Variants in MOB3B observed in about 807,000 individuals in gnomAD.
The protein encoded by MOB3B is MOB kinase activator 3B, also known as MOB kinase activator-like 2B.
A neutral mutation model predicts 18.7 loss-of-function variants in MOB3B; 7 were observed. The ratio of observed to expected loss-of-function variants is 0.37; its 90% confidence interval spans 0.21 to 0.70. The LOEUF is 0.70. Among genes scored for constraint, MOB3B ranks in the 30% least tolerant of loss-of-function variants. The probability of loss-of-function intolerance (pLI) is 0.52; values close to 1 mark genes in which losing one functional copy is unlikely to be tolerated. For missense variants in MOB3B, 253 were observed against 281.3 expected (o/e 0.90, Z 0.72); for synonymous variants, 111 against 99.9 (o/e 1.11, Z -0.66).
chr9:27,361,106 T>C (rs1056227676), intron 2 of MOB3B, among the ~76,000 whole-genome samples: 1 of 152,198 alleles, frequency 6.6e-6, no homozygotes, highest in Non-Finnish European at 1.5e-5. Flanking sequence ...GTAACCCACC[T>C]GGTGACAATG....
At chr9:27,476,503 T>C (rs1178048734) in intron 1 of MOB3B, among the ~76,000 whole-genome samples, 1 of 152,210 alleles carries the variant, frequency 6.6e-6, no homozygotes, top group Non-Finnish European at 1.5e-5. Context: ...CATTTTAGAT[T>C]AGAGGCCCAC....
At chr9:27,522,242 C>CAAAAAAAAAAAAAAA (rs1171362204) in intron 1 of MOB3B, among the ~76,000 whole-genome samples, 16 of 56,040 alleles carry the variant, frequency 2.9e-4, no homozygotes, top group East Asian at 5.9e-4. Context: ...CCCCGTCTCA[C>CAAAAAAAAAAAAAAA]AAAAAAAAAA....
At chr9:27,339,546 G>T (rs1396232004) in intron 3 of MOB3B, among the ~76,000 whole-genome samples, 1 of 152,240 alleles carries the variant, frequency 6.6e-6, no homozygotes, top group Non-Finnish European at 1.5e-5. Flanking sequence ...TGTGTGCCAG[G>T]CACTGTGCTC....
chr9:27,482,545 T>C (rs540334819), intron 1 of MOB3B, among the ~76,000 whole-genome samples: 1 of 152,316 alleles, frequency 6.6e-6, no homozygotes, highest in South Asian at 2.1e-4. Context: ...CCCATAGACC[T>C]TACTATGAGG....
intron 3 of MOB3B, among the ~76,000 whole-genome samples, chr9:27,356,991 C>T (rs544202478): frequency 2.0e-5 from 3 of 150,564 alleles, no homozygotes; most frequent in South Asian, 4.3e-4. Context: ...GGTTCCTGCC[C>T]CTGAGAGCCT....
At chr9:27,444,408 T>C (rs907517843) in intron 2 of MOB3B, among the ~76,000 whole-genome samples, 1 of 152,130 alleles carries the variant, frequency 6.6e-6, no homozygotes, top group African/African-American at 2.4e-5. Context: ...GCTCGGGTAT[T>C]AGAAGGGAAG....
intron 2 of MOB3B, among the ~76,000 whole-genome samples, chr9:27,377,988 C>T (rs1411030017): frequency 2.6e-5 from 4 of 152,232 alleles, no homozygotes; most frequent in Admixed American, 6.5e-5. Context: ...ACCTCTCCTT[C>T]CCCCAAGAAG....
chr9:27,378,235 CTT>C, intron 2 of MOB3B: 1 of 402,056 alleles, frequency 2.5e-6, no homozygotes, highest in Non-Finnish European at 5.1e-6. Flanking sequence ...GTAGAAGAGT[CTT>C]TGCTTCTAGA....
At chr9:27,345,297 C>A (rs1317007849) in intron 3 of MOB3B, among the ~76,000 whole-genome samples, 1 of 152,098 alleles carries the variant, frequency 6.6e-6, no homozygotes, top group Non-Finnish European at 1.5e-5. Flanking sequence ...TGCTCCTGCC[C>A]ACCATAGGCC....
Position 27,329,074 on chromosome 9 carries a change from C to G in MOB3B, c.*1513G>C, listed in dbSNP as rs1484277398. On this transcript the variant is annotated 3_prime_UTR_variant, in exon 4 of 4. Coordinates refer to ENST00000262244, the MANE Select transcript of MOB3B (RefSeq NM_024761.5). ...TGGACAAAGATTTCATGATTCTAGTCTTTTGTGGCAGCCACAGAGGGCTTT... is the reference window on the plus strand; with the variant it reads ...TGGACAAAGATTTCATGATTCTAGTGTTTTGTGGCAGCCACAGAGGGCTTT... 6.6e-6 allele frequency: 1 copy of G among 152,132 alleles called. No individual in the cohort carries two copies. Among genetic ancestry groups the G allele is most frequent in the African/African-American group, 2.4e-5 (1 of 41,412 alleles). 9.4% of individuals were successfully genotyped at this position (152,132 alleles called of 1,614,324 possible). A position where few individuals can be genotyped will look rare whatever the true frequency, so the allele number is the denominator to read the frequency against.
intron 1 of MOB3B, among the ~76,000 whole-genome samples, chr9:27,498,365 G>A (rs577709038): frequency 2.0e-5 from 3 of 152,338 alleles, no homozygotes; most frequent in Admixed American, 1.3e-4. Context: ...GGAGTCGTAT[G>A]AGCTGTGCGA....
intron 2 of MOB3B, among the ~76,000 whole-genome samples, chr9:27,426,066 T>G (rs964188037): frequency 6.6e-6 from 1 of 152,180 alleles, no homozygotes; most frequent in Non-Finnish European, 1.5e-5. Flanking sequence ...GCTAAGCCTT[T>G]AAATATATGG....
chr9:27,332,660 C>G (rs971645301), intron 3 of MOB3B, among the ~76,000 whole-genome samples: 1 of 152,212 alleles, frequency 6.6e-6, no homozygotes, highest in Admixed American at 6.5e-5. Flanking sequence ...ACAGTAACCG[C>G]TGCTTTTATT....
At chr9:27,444,292 GAAGGAAGGAAGAAAGGAAGGAAGA>G (rs370334369) in intron 2 of MOB3B, among the ~76,000 whole-genome samples, 2 of 136,616 alleles carry the variant, frequency 1.5e-5, no homozygotes, top group African/African-American at 5.4e-5. Flanking sequence ...GGGAGGGAAG[GAAGGAAGGAAGAAAGGAAGGAAGA>G]AAGGAAGGAA....
chr9:27,489,777 C>T (rs1819787458), intron 1 of MOB3B, among the ~76,000 whole-genome samples: 1 of 103,136 alleles, frequency 9.7e-6, no homozygotes, highest in South Asian at 3.4e-4. Flanking sequence ...CACTAAGGCT[C>T]ATTATCATAT....
intron 2 of MOB3B, among the ~76,000 whole-genome samples, chr9:27,376,721 G>A (rs1470255735): frequency 2.0e-5 from 3 of 152,162 alleles, no homozygotes; most frequent in Non-Finnish European, 2.9e-5. Flanking sequence ...TGTGGTCTCC[G>A]GACCAGCAGC....
chr9:27,529,519 G>A (rs941156333), intron 1 of MOB3B, 36 bp downstream of exon 1: 6 of 981,096 alleles, frequency 6.1e-6, no homozygotes, highest in South Asian at 4.7e-5. Context: ...ACCGGGCTGC[G>A]CCGCCTCCCC....
chr9:27,435,827 C>T (rs1822492176), intron 2 of MOB3B, among the ~76,000 whole-genome samples: 1 of 152,122 alleles, frequency 6.6e-6, no homozygotes, highest in South Asian at 2.1e-4. Flanking sequence ...TCTTGAACTC[C>T]TGACCTCAAG....
chr9:27,421,652 A>G (rs1404997578), intron 2 of MOB3B: 1 of 152,428 alleles, frequency 6.6e-6, no homozygotes, highest in Non-Finnish European at 1.5e-5. Flanking sequence ...GTGGCCTCAC[A>G]TAATTTGTCT....
Sources: allele counts gnomAD v4.1 joint callset (sites outside exome capture counted in the v4.1 genomes callset), GRCh38; gene constraint gnomAD v4.1.1; transcripts MANE v1.5; gene names NCBI Gene and HGNC (gene_info 2026-07-23, HGNC 2026-07-21).